The following BSDC1 variants were observed in gnomAD, a reference collection of about 807,000 sequenced individuals.
The protein encoded by BSDC1 is BSD domain-containing protein 1.
Under a neutral mutation model 56.0 loss-of-function variants are expected in BSDC1, and 29 were observed. That is an observed-to-expected ratio of 0.52 (90% CI 0.39 to 0.71). The LOEUF (loss-of-function observed/expected upper bound fraction) is 0.71, where lower values mean the gene tolerates loss of function less well. Ranked by LOEUF, BSDC1 falls within the 30% of genes least tolerant of loss-of-function variation. The pLI, the probability that BSDC1 is intolerant of heterozygous loss-of-function variation, is 0.00. For synonymous variants in BSDC1, 210 were observed against 215.3 expected (o/e 0.98, Z 0.21); for missense variants, 477 against 548.5 (o/e 0.87, Z 1.30).
At chr1:32,383,471 A>T (rs1455674345) in intron 4 of BSDC1, among the ~76,000 whole-genome samples, 4 of 151,492 alleles carry the variant, frequency 2.6e-5, no homozygotes, top group Admixed American at 2.6e-4. Context: ...AAAAAAAAAG[A>T]TGATTAGGAA....
rs1641821755 is a variant in BSDC1, at chr1:32,365,699, G to A, written c.*923C>T. 1 of 152,656 alleles carries A rather than the reference G, an allele frequency of 6.6e-6. No homozygotes were observed. The highest frequency in any genetic ancestry group is 6.5e-5 in the Admixed American group (1 of 15,284). 9.5% of individuals were successfully genotyped at this position (152,656 alleles called of 1,614,324 possible). On this transcript the variant is annotated 3_prime_UTR_variant, in exon 11 of 11. Coordinates refer to ENST00000455895, the MANE Select transcript of BSDC1 (RefSeq NM_018045.8). ...GCCCTTCCAGAAGCAGAAGGGCTGA[G>A]GCGGAGAAGCTAGGCTTACCAGAGT...
Position 32,378,644 on chromosome 1 carries a change from A to G in BSDC1, c.528+80T>C. On this transcript the variant is annotated intron_variant, in intron 6 of 10. Coordinates refer to ENST00000455895, the MANE Select transcript of BSDC1 (RefSeq NM_018045.8). This position sits in a 1 kb window ranked among gnomAD's most constrained non-coding sequence, Gnocchi z 5.2. The stretch of plus-strand genomic sequence containing the variant: ...TGCTCTCCGGGCCAGATGACTCTGC[A>G]GTGACTCTGAACATGTCCCTCCCAC... 1.0e-6 allele frequency: 1 copy of G among 1,002,666 alleles called. No homozygotes were observed. The highest frequency in any genetic ancestry group is 1.4e-6 in the Non-Finnish European group (1 of 697,554). 62.1% of individuals were successfully genotyped at this position (1,002,666 alleles called of 1,614,324 possible). A position where few individuals can be genotyped will look rare whatever the true frequency, so the allele number is the denominator to read the frequency against.
Position 32,365,236 on chromosome 1 carries a change from T to C in BSDC1, c.*1386A>G, listed in dbSNP as rs1641803249. 1 of 152,254 alleles carries C rather than the reference T, an allele frequency of 6.6e-6. No individual in the cohort carries two copies. The highest frequency in any genetic ancestry group is 6.5e-5 in the Admixed American group (1 of 15,292). 9.4% of individuals were successfully genotyped at this position (152,254 alleles called of 1,614,324 possible). A position where few individuals can be genotyped will look rare whatever the true frequency, so the allele number is the denominator to read the frequency against. ...GAATCTTTTTTTCTTTTTTTCCTTT[T>C]TTCTTTTCCCAGCTACAAAATACTC... On this transcript the variant is annotated 3_prime_UTR_variant, in exon 11 of 11. Transcript: ENST00000455895.
At chr1:32,386,602 C>T (rs368986156) in intron 3 of BSDC1, 177 bp downstream of exon 3, 1 of 497,416 alleles carries the variant, frequency 2.0e-6, no homozygotes. Flanking sequence ...CTAATTATTA[C>T]TTAAAATATG....
At chr1:32,394,298 G>T in intron 1 of BSDC1, 106 bp downstream of exon 1, 1 of 1,594,036 alleles carries the variant, frequency 6.3e-7, no homozygotes, top group Non-Finnish European at 8.6e-7. Context: ...TTTCAGATCA[G>T]TCCACGCCCC....
At chr1:32,387,718 G>A (rs1642723176) in intron 2 of BSDC1, among the ~76,000 whole-genome samples, 1 of 152,136 alleles carries the variant, frequency 6.6e-6, no homozygotes, top group Non-Finnish European at 1.5e-5. Context: ...TGAAATATGA[G>A]GCAGTATGTG....
At chr1:32,388,875 TG>T (rs1340534117) in intron 2 of BSDC1, among the ~76,000 whole-genome samples, 3 of 152,086 alleles carry the variant, frequency 2.0e-5, no homozygotes, top group Non-Finnish European at 2.9e-5. Flanking sequence ...TCAACGTCTA[TG>T]CTTCATTTCC....
rs1430790736 is a variant in BSDC1 at position 32,365,430 on chromosome 1, ACT to A, written c.*1190_*1191del. 6.7e-6 allele frequency: 1 copy of A among 149,848 alleles called. No individual in the cohort carries two copies. The highest frequency in any genetic ancestry group is 1.5e-5 in the Non-Finnish European group (1 of 67,226). 9.3% of individuals were successfully genotyped at this position (149,848 alleles called of 1,614,324 possible). A position where few individuals can be genotyped will look rare whatever the true frequency, so the allele number is the denominator to read the frequency against. ...GAAGGTTTGAAGTGGAAGTGACCTC[ACT>A]CTCTCGGTGTCCCTGACCCACGATC... is the stretch of plus-strand genomic sequence containing the variant. On this transcript the variant is annotated 3_prime_UTR_variant, in exon 11 of 11. Coordinates refer to ENST00000455895, the MANE Select transcript of BSDC1 (RefSeq NM_018045.8).
At chr1:32,383,809 G>C (rs1404499013) in intron 4 of BSDC1, 21 bp downstream of exon 4, 32 of 1,610,008 alleles carry the variant, frequency 2.0e-5, no homozygotes, top group Non-Finnish European at 2.6e-5. Context: ...GGCATCTGCA[G>C]GGGAGACTGT....
In BSDC1 at chr1:32,376,716, T is replaced by G; in HGVS notation, c.702A>C (p.Ile234=). 7.1e-7 allele frequency: 1 copy of G among 1,414,602 alleles called. No homozygotes were observed. The highest frequency in any genetic ancestry group is 2.4e-5 in the East Asian group (1 of 41,970). 87.6% of individuals were successfully genotyped at this position (1,414,602 alleles called of 1,614,324 possible). A position where few individuals can be genotyped will look rare whatever the true frequency, so the allele number is the denominator to read the frequency against. ...CAGGAACCTTTGCCTCTTTTGGAGA[T>G]ATGGGTGAAATGCCCATGAGCTCCT... The part of the protein sequence containing the change: ...EEEELMGISP[I]SPKEAKVPVA... The change falls in exon 9 of 11, where the codon ATA becomes ATC. Residue 234 remains isoleucine (I), a synonymous_variant. Transcript: ENST00000455895.
intron 2 of BSDC1, 22 bp downstream of exon 2, chr1:32,394,058 G>A (rs2148150454): frequency 3.7e-6 from 6 of 1,603,836 alleles, no homozygotes; most frequent in East Asian, 2.3e-5. Context: ...GCTGAGGGAA[G>A]AAGGGCACGG....
chr1:32,366,908 G>C (rs888293133), intron 10 of BSDC1: 2 of 1,227,804 alleles, frequency 1.6e-6, no homozygotes, highest in African/African-American at 3.1e-5. Flanking sequence ...ACCAACACCA[G>C]ACACCACAAG....
At chr1:32,380,993 G>A (rs1642461193) in intron 5 of BSDC1, among the ~76,000 whole-genome samples, 1 of 152,132 alleles carries the variant, frequency 6.6e-6, no homozygotes, top group African/African-American at 2.4e-5. Context: ...TGAGGGATGA[G>A]AGGGGCCAAG....
chr1:32,393,525 C>T (rs191775220), intron 2 of BSDC1: 206 of 153,840 alleles, frequency 1.3e-3, no homozygotes, highest in Admixed American at 1.0e-2. Flanking sequence ...ACAAGGTGCC[C>T]CTGTACTTTC....
chr1:32,370,739 G>A (rs760744809), intron 9 of BSDC1, among the ~76,000 whole-genome samples: 22 of 141,836 alleles, frequency 1.6e-4, no homozygotes, highest in Non-Finnish European at 2.5e-4. Flanking sequence ...GGGAGGCAGA[G>A]CTTGCAGTGA....
rs1642815783 is a variant in BSDC1, at chr1:32,390,116, AC to A, written c.73-3222del. ...AAAGCTGGAGAGGTTGCCAAGGGCAACCAGGGAGAGCCTGGTCAGCCCTATG... is the reference window on the plus strand; with the variant it reads ...AAAGCTGGAGAGGTTGCCAAGGGCAACAGGGAGAGCCTGGTCAGCCCTATG... On this transcript the variant is annotated intron_variant, in intron 2 of 10. Transcript: ENST00000455895. Among the ~76,000 whole-genome samples the A allele has an allele frequency of 2.6e-5, 4 of 152,294 alleles. No homozygotes were observed. The South Asian group carries it at 8.3e-4, about 32-fold the overall frequency.
In BSDC1 at chr1:32,365,888, C is replaced by G. The variant is rs936039384; in HGVS notation, c.*734G>C. On this transcript the variant is annotated 3_prime_UTR_variant, in exon 11 of 11. Transcript: ENST00000455895. ...CTCCCTTCTTGGGGAGGGGAAGAAA[C>G]GCAAGAGCGAACTCCTGCAGGTGGC... The G allele has an allele frequency of 4.6e-5, 7 of 152,878 alleles. No individual in the cohort carries two copies. Among genetic ancestry groups the G allele is most frequent in the Admixed American group, 1.3e-4 (2 of 15,296 alleles). 9.5% of individuals were successfully genotyped at this position (152,878 alleles called of 1,614,324 possible). A position where few individuals can be genotyped will look rare whatever the true frequency, so the allele number is the denominator to read the frequency against.
At chr1:32,393,330 ATC>A (rs961522490) in intron 2 of BSDC1, among the ~76,000 whole-genome samples, 24 of 152,044 alleles carry the variant, frequency 1.6e-4, no homozygotes, top group African/African-American at 5.3e-4. Flanking sequence ...CTGGTGATTA[ATC>A]TCTCTCTCTC....
intron 2 of BSDC1, among the ~76,000 whole-genome samples, chr1:32,388,458 G>A (rs1423145404): frequency 6.6e-6 from 1 of 152,116 alleles, no homozygotes; most frequent in East Asian, 1.9e-4. Flanking sequence ...CACCATCTTA[G>A]TCCAGGCCAA....
Sources: allele counts gnomAD v4.1 joint callset (sites outside exome capture counted in the v4.1 genomes callset), GRCh38; gene constraint gnomAD v4.1.1; non-coding constraint Gnocchi (gnomAD v3.1); transcripts MANE v1.5; gene names NCBI Gene and HGNC (gene_info 2026-07-23, HGNC 2026-07-21).